Variants in CEP112 observed in about 807,000 individuals in gnomAD.
The protein encoded by CEP112 is centrosomal protein 112, also known as centrosomal protein of 112 kDa.
Under a neutral mutation model 153.0 loss-of-function variants are expected in CEP112, and 127 were observed. The ratio of observed to expected loss-of-function variants is 0.83; its 90% CI spans 0.72 to 0.96. The LOEUF (loss-of-function observed/expected upper bound fraction) is 0.96. Ranked by LOEUF, CEP112 falls within the 40% of genes least tolerant of loss-of-function variation. The pLI, the probability that CEP112 is intolerant of heterozygous loss-of-function variation, is 0.00. For synonymous variants in CEP112, 358 were observed against 374.4 expected (o/e 0.96, Z 0.51); for missense variants, 1,089 against 1,101.2 (o/e 0.99, Z 0.16).
At chr17:65,677,567 CT>C (rs1273947525) in intron 24 of CEP112, among the ~76,000 whole-genome samples, 6 of 152,118 alleles carry the variant, frequency 3.9e-5, no homozygotes, top group African/African-American at 1.4e-4. Context: ...GAAAAATCAA[CT>C]TTCTTTCCTT....
rs568883736 is a variant in CEP112 at position 65,641,903 on chromosome 17, A to T, written c.2698-838T>A. On this transcript the variant is annotated intron_variant, in intron 24 of 26. Coordinates refer to ENST00000535342, the MANE Select transcript of CEP112 (RefSeq NM_001199165.4). ...TAGACAGGTAGAGTGCACTGGGCAT[A>T]GGAAGGTTCCTGGTTCCTGGTTTCT... 4.6e-5 allele frequency among the ~76,000 whole-genome samples: 7 copies of T among 152,318 alleles called. 1 individual carries two copies. Among genetic ancestry groups the T allele is most frequent in the Admixed American group, 4.6e-4 (7 of 15,304 alleles).
intron 14 of CEP112, 57 bp from the exon 15 acceptor site, chr17:66,028,462 A>AC: frequency 1.0e-6 from 1 of 978,132 alleles, no homozygotes; most frequent in Non-Finnish European, 1.5e-6. Context: ...ACCATATTAT[A>AC]CTTTCTGATT....
intron 19 of CEP112, among the ~76,000 whole-genome samples, chr17:65,910,343 G>C (rs1215866328): frequency 6.6e-6 from 1 of 152,046 alleles, no homozygotes; most frequent in East Asian, 1.9e-4. Context: ...TAACAGATTT[G>C]GACACAGGTG....
At position 65,926,870 on chromosome 17, in the gene CEP112, T is replaced by C. The variant is rs1268938168; in HGVS notation, c.1980+712A>G. 5.3e-5 allele frequency among the ~76,000 whole-genome samples: 8 copies of C among 152,156 alleles called. No homozygotes were observed. In the South Asian group the frequency reaches 1.2e-3, roughly 24 times the overall value. The stretch of plus-strand genomic sequence containing the variant: ...CATGCCAGGGACAGCACCTGGCACA[T>C]AGTAAGTACTCAACCCTATTTCTCA... On this transcript the variant is annotated intron_variant, in intron 19 of 26. Coordinates refer to ENST00000535342, the MANE Select transcript of CEP112 (RefSeq NM_001199165.4).
chr17:65,882,689 T>C (rs2059127522), intron 20 of CEP112, among the ~76,000 whole-genome samples: 1 of 152,188 alleles, frequency 6.6e-6, no homozygotes, highest in African/African-American at 2.4e-5. Context: ...ATGCACAGGA[T>C]AATGACATTA....
intron 4 of CEP112, among the ~76,000 whole-genome samples, chr17:66,139,674 T>C (rs964361106): frequency 5.9e-5 from 9 of 152,072 alleles, no homozygotes; most frequent in Admixed American, 5.2e-4. Context: ...TGCCAATGTA[T>C]TGGATAACCC....
At chr17:66,155,189 C>T (rs977417605) in intron 4 of CEP112, among the ~76,000 whole-genome samples, 1 of 152,126 alleles carries the variant, frequency 6.6e-6, no homozygotes, top group Non-Finnish European at 1.5e-5. Context: ...AACTGAGGTA[C>T]CCGGCTAATC....
At chr17:65,931,375 A>ATC (rs1033780821) in intron 18 of CEP112, among the ~76,000 whole-genome samples, 33 of 152,220 alleles carry the variant, frequency 2.2e-4, no homozygotes, top group Non-Finnish European at 7.3e-5. Flanking sequence ...TGACTGTATC[A>ATC]TCTCTCCCAC....
chr17:66,047,960 AT>A (rs1365139036), intron 12 of CEP112, among the ~76,000 whole-genome samples: 1 of 152,186 alleles, frequency 6.6e-6, no homozygotes, highest in African/African-American at 2.4e-5. Context: ...TAGTACTTGC[AT>A]ATACCCTATA....
Position 66,185,442 on chromosome 17 carries a change from C to G in CEP112, c.-8-2135G>C, listed in dbSNP as rs552598281. Among the ~76,000 whole-genome samples the G allele has an allele frequency of 2.6e-5, 4 of 152,232 alleles. No homozygotes were observed. In the South Asian group the frequency reaches 6.2e-4, roughly 24 times the overall value. ...TTCACCATGTTGGTCAGGCTGGTCT[C>G]GAACTCCTGACCTCGTGATCCATCC... On this transcript the variant is annotated intron_variant, in intron 1 of 26. Coordinates refer to ENST00000535342, the MANE Select transcript of CEP112 (RefSeq NM_001199165.4).
intron 18 of CEP112, among the ~76,000 whole-genome samples, chr17:65,960,571 G>T (rs2028616): frequency 0.48 from 73,027 of 151,924 alleles, 18,537 homozygotes; most frequent in East Asian, 0.89. Context: ...ATACAACCTG[G>T]GCACATCCTC....
intron 4 of CEP112, among the ~76,000 whole-genome samples, chr17:66,168,121 AGT>A (rs1252567857): frequency 1.3e-5 from 2 of 152,338 alleles, no homozygotes; most frequent in African/African-American, 4.8e-5. Flanking sequence ...TCAAAATAAG[AGT>A]GTGATTATTA....
intron 21 of CEP112, among the ~76,000 whole-genome samples, chr17:65,823,570 G>A (rs2056697185): frequency 6.6e-6 from 1 of 152,090 alleles, no homozygotes; most frequent in Admixed American, 6.5e-5. Flanking sequence ...AAGAAAACAG[G>A]AGAAAAGCTT....
chr17:65,739,199 C>T (rs773116094), intron 23 of CEP112, among the ~76,000 whole-genome samples: 1 of 152,222 alleles, frequency 6.6e-6, no homozygotes, highest in African/African-American at 2.4e-5. Context: ...TCATGAGGCA[C>T]CCCAGCCAAT....
intron 3 of CEP112, among the ~76,000 whole-genome samples, chr17:66,176,322 CATA>C (rs1432162638): frequency 1.3e-5 from 2 of 152,128 alleles, no homozygotes; most frequent in Non-Finnish European, 2.9e-5. Flanking sequence ...ATCCACCAAG[CATA>C]ATAATAACTG....
At chr17:65,641,659 T>C (rs565283170) in intron 24 of CEP112, among the ~76,000 whole-genome samples, 2 of 152,136 alleles carry the variant, frequency 1.3e-5, no homozygotes, top group African/African-American at 2.4e-5. Context: ...GGTGGGAGGA[T>C]CCTTTGAGCC....
At chr17:66,010,437 G>A (rs1285916574) in intron 16 of CEP112, among the ~76,000 whole-genome samples, 5 of 152,062 alleles carry the variant, frequency 3.3e-5, no homozygotes, top group Admixed American at 1.3e-4. Context: ...CTTCCTATTT[G>A]GATACCTTTT....
rs142765947 is a variant in CEP112 at position 65,637,141 on chromosome 17, A to C, written c.2847T>G (p.Thr949=). The C allele has an allele frequency of 9.2e-5, 149 of 1,613,818 alleles. 1 individual carries two copies. In the African/African-American group the frequency reaches 1.6e-3, roughly 17 times the overall value. The change falls in exon 26 of 27, where the codon ACT becomes ACG. Residue 949 remains threonine (T), a synonymous_variant. Transcript: ENST00000535342. ...GGCTGTACCTTCTGCCTTGATATGTAGTCAGTTCTTCCTGAAGGATGGAAG... is the reference window on the plus strand; with the variant it reads ...GGCTGTACCTTCTGCCTTGATATGTCGTCAGTTCTTCCTGAAGGATGGAAG... ...KRASILQEEL[T]TYQGRR
chr17:66,030,146 T>C lies in CEP112; in HGVS notation c.1219-123A>G, dbSNP rs994221728. The C allele has an allele frequency of 4.4e-5, 33 of 748,006 alleles. No homozygotes were observed. In the South Asian group the frequency reaches 8.7e-4, roughly 20 times the overall value. 46.3% of individuals were successfully genotyped at this position (748,006 alleles called of 1,614,324 possible). A position where few individuals can be genotyped will look rare whatever the true frequency, so the allele number is the denominator to read the frequency against. The stretch of plus-strand genomic sequence containing the variant: ...AATAAAACAAATGTATCATAAACCA[T>C]GGTAGTAGAAATTAAATCAACCTTG... On this transcript the variant is annotated intron_variant, in intron 12 of 26. Transcript: ENST00000535342.
Sources: gnomAD v4.1 joint callset for allele counts (sites outside exome capture counted in the v4.1 genomes callset) on GRCh38, gnomAD v4.1.1 for gene constraint, MANE v1.5 for transcripts, NCBI Gene and HGNC (gene_info 2026-07-23, HGNC 2026-07-21) for gene names.